The following KAZN variants were observed in gnomAD, a reference collection of about 807,000 sequenced individuals.
The protein encoded by KAZN is kazrin.
In KAZN, 40 loss-of-function variants were observed where a neutral mutation model predicts 87.4. That is an observed-to-expected ratio of 0.46 (90% CI 0.36 to 0.60). The LOEUF (loss-of-function observed/expected upper bound fraction) is 0.60. Ranked by LOEUF, KAZN falls within the 20% of genes least tolerant of loss-of-function variation. The pLI is 0.00. For missense variants in KAZN, 898 were observed against 1,073.9 expected, an observed-to-expected ratio of 0.84 and a Z score of 2.29; for synonymous variants, 466 against 458.3, an observed-to-expected ratio of 1.02 and a Z score of -0.22.
rs559823577 is a variant in KAZN, at chr1:14,002,901, C to T, written c.91+109145C>T. The stretch of plus-strand genomic sequence containing the variant: ...AATTATTCTACTATAAAGACACACG[C>T]ACACGTATGTCTATTGCAGCACTAT... On this transcript the variant is annotated intron_variant, in intron 1 of 16. Coordinates refer to the KAZN transcript ENST00000636203. Among the ~76,000 whole-genome samples, 251 of 152,280 alleles carry T rather than the reference C, an allele frequency of 1.6e-3. 1 individual carries two copies. Among genetic ancestry groups the T allele is most frequent in the South Asian group, 1.0e-2 (48 of 4,824 alleles).
intron 2 of KAZN, among the ~76,000 whole-genome samples, chr1:14,485,961 C>T (rs1039680040): frequency 6.6e-6 from 1 of 151,844 alleles, no homozygotes; most frequent in Non-Finnish European, 1.5e-5. Flanking sequence ...ACTCTCTGCC[C>T]ACAGGGTAGT....
intron 1 of KAZN, among the ~76,000 whole-genome samples, chr1:13,998,117 C>G (rs1259430561): frequency 1.3e-5 from 2 of 152,122 alleles, no homozygotes; most frequent in Admixed American, 1.3e-4. Flanking sequence ...CATATCCAGC[C>G]AAACTAAGCT....
At chr1:14,674,449 C>T (rs1640097642) in intron 1 of KAZN, among the ~76,000 whole-genome samples, 1 of 152,214 alleles carries the variant, frequency 6.6e-6, no homozygotes, top group East Asian at 1.9e-4. Flanking sequence ...TTCTACATGC[C>T]AGATGAGTGC....
At chr1:14,448,476 A>G (rs1302103204) in intron 2 of KAZN, among the ~76,000 whole-genome samples, 2 of 152,244 alleles carry the variant, frequency 1.3e-5, no homozygotes, top group Admixed American at 6.5e-5. Flanking sequence ...CAGAGTATAC[A>G]TGGTCATCTG....
At chr1:14,574,867 C>T (rs1002208933) in intron 2 of KAZN, among the ~76,000 whole-genome samples, 2 of 152,110 alleles carry the variant, frequency 1.3e-5, no homozygotes, top group African/African-American at 2.4e-5. Context: ...ATGCTCAGAG[C>T]GCACAGAGCA....
intron 1 of KAZN, among the ~76,000 whole-genome samples, chr1:14,176,707 T>G (rs1395938473): frequency 6.6e-6 from 1 of 152,220 alleles, no homozygotes; most frequent in Non-Finnish European, 1.5e-5. Flanking sequence ...TAGTTGCCAC[T>G]GTATGCTCAG....
intron 2 of KAZN, among the ~76,000 whole-genome samples, chr1:14,977,963 G>C (rs931012686): frequency 9.7e-5 from 14 of 144,462 alleles, no homozygotes; most frequent in African/African-American, 3.6e-4. Context: ...GCACGATCTC[G>C]GCTCACTGCA....
chr1:14,613,971 ACT>A (rs1280778540), intron 1 of KAZN, among the ~76,000 whole-genome samples: 12 of 152,152 alleles, frequency 7.9e-5, no homozygotes, highest in Non-Finnish European at 1.2e-4. Flanking sequence ...CTTTCAGAAA[ACT>A]CTGCAAAATT....
At chr1:14,046,791 G>A (rs1642094180) in intron 1 of KAZN, among the ~76,000 whole-genome samples, 1 of 152,198 alleles carries the variant, frequency 6.6e-6, no homozygotes, top group African/African-American at 2.4e-5. Flanking sequence ...TTCTCTCAAG[G>A]TCATCTGGCA....
At chr1:14,391,129 TATA>T (rs1037083694) in intron 2 of KAZN, among the ~76,000 whole-genome samples, 5 of 152,128 alleles carry the variant, frequency 3.3e-5, no homozygotes, top group Non-Finnish European at 7.3e-5. Context: ...AGGAGGCAAT[TATA>T]ATACCCAGGA....
At position 15,099,076 on chromosome 1, in the gene KAZN, A is replaced by G. The variant is rs1640929019; in HGVS notation, c.1548-2467A>G. 1.3e-5 allele frequency among the ~76,000 whole-genome samples: 2 copies of G among 152,144 alleles called. No individual in the cohort carries two copies. The highest frequency in any genetic ancestry group is 4.1e-4 in the South Asian group (2 of 4,824). ...TCTTGGAAGGCTTCCGGGAGACCAG[A>G]CGTCTCTGCAGAGTCCATAGGAGTT... On this transcript the variant is annotated intron_variant, in intron 10 of 14. Coordinates refer to ENST00000376030, the MANE Select transcript of KAZN (RefSeq NM_201628.3). The surrounding 1 kb of genome is among the most constrained non-coding windows in gnomAD (Gnocchi z 5.4).
intron 1 of KAZN, among the ~76,000 whole-genome samples, chr1:14,839,135 C>T (rs568955954): frequency 1.3e-5 from 2 of 152,188 alleles, no homozygotes; most frequent in Non-Finnish European, 2.9e-5. Flanking sequence ...AGCACTAACA[C>T]TTAGTGTTTC....
intron 1 of KAZN, among the ~76,000 whole-genome samples, chr1:14,873,644 G>A (rs1440935890): frequency 6.6e-6 from 1 of 152,216 alleles, no homozygotes; most frequent in East Asian, 1.9e-4. Flanking sequence ...AGTGAAATGA[G>A]AAGCCAGTGG....
At chr1:15,030,209 G>A (rs968345410) in intron 2 of KAZN, among the ~76,000 whole-genome samples, 3 of 152,118 alleles carry the variant, frequency 2.0e-5, no homozygotes, top group East Asian at 1.9e-4. Context: ...GCGGGGCCCC[G>A]GCTCTTCCTT....
chr1:14,225,503 C>T (rs1647231607), intron 2 of KAZN, among the ~76,000 whole-genome samples: 1 of 152,058 alleles, frequency 6.6e-6, no homozygotes, highest in Admixed American at 6.6e-5. Flanking sequence ...CTACCAATGA[C>T]ATTTTTCACA....
intron 2 of KAZN, among the ~76,000 whole-genome samples, chr1:14,238,436 G>A (rs1055961779): frequency 3.3e-5 from 5 of 152,088 alleles, no homozygotes; most frequent in African/African-American, 9.7e-5. Flanking sequence ...CCCTCATATC[G>A]AGCCAAGTGA....
At chr1:14,336,302 T>C (rs182361251) in intron 2 of KAZN, among the ~76,000 whole-genome samples, 4 of 152,356 alleles carry the variant, frequency 2.6e-5, no homozygotes, top group African/African-American at 9.6e-5. Flanking sequence ...TAGTACTTCA[T>C]TCCTGTTTAT....
intron 1 of KAZN, among the ~76,000 whole-genome samples, chr1:14,022,784 A>T (rs755815791): frequency 2.0e-5 from 3 of 152,074 alleles, no homozygotes; most frequent in Non-Finnish European, 4.4e-5. Flanking sequence ...GACAGAGTAC[A>T]GTAATAGAGT....
At chr1:14,821,376 GTGT>G (rs1362150617) in intron 1 of KAZN, among the ~76,000 whole-genome samples, 1 of 150,722 alleles carries the variant, frequency 6.6e-6, no homozygotes, top group East Asian at 1.9e-4. Context: ...AATTAGCCAG[GTGT>G]TGTGGCAGGC....
Sources: gnomAD v4.1 joint callset for allele counts (sites outside exome capture counted in the v4.1 genomes callset) on GRCh38, gnomAD v4.1.1 for gene constraint, Gnocchi (gnomAD v3.1) non-coding constraint, MANE v1.5 for transcripts, NCBI Gene and HGNC (gene_info 2026-07-23, HGNC 2026-07-21) for gene names.